Variants in ACSF3 observed in about 807,000 individuals in gnomAD.
ACSF3 encodes acyl-CoA synthetase family member 3.
A neutral mutation model predicts 53.2 loss-of-function variants in ACSF3; 78 were observed. That is an observed-to-expected ratio of 1.47 (90% CI 1.22 to 1.77). The LOEUF is 1.77. Ranked by LOEUF, ACSF3 falls within the 40% of genes most tolerant of loss-of-function variation. The pLI, the probability that ACSF3 is intolerant of heterozygous loss-of-function variation, is 0.00. For missense variants in ACSF3, 937 were observed against 771.1 expected (o/e 1.22, Z -2.55); for synonymous variants, 414 against 333.1 (o/e 1.24, Z -2.65).
intron 8 of ACSF3, among the ~76,000 whole-genome samples, chr16:89,137,093 CA>C (rs1910663490): frequency 6.6e-6 from 1 of 152,242 alleles, no homozygotes; most frequent in Non-Finnish European, 1.5e-5. Context: ...GCAGCAGCAG[CA>C]GCCCCTCCTG....
intron 6 of ACSF3, 149 bp downstream of exon 6, chr16:89,114,636 A>G: frequency 2.6e-6 from 3 of 1,154,996 alleles, no homozygotes; most frequent in Non-Finnish European, 3.8e-6. Context: ...GAGAGCACTC[A>G]GGATGCACTG....
intron 5 of ACSF3, chr16:89,113,231 A>C (rs954471414): frequency 6.6e-6 from 1 of 151,986 alleles, no homozygotes; most frequent in African/African-American, 2.4e-5. Flanking sequence ...CTCCACTGCC[A>C]TCCAGTTTCC....
chr16:89,101,723 T>C (rs1417270293), intron 3 of ACSF3, among the ~76,000 whole-genome samples: 2 of 152,230 alleles, frequency 1.3e-5, no homozygotes, highest in African/African-American at 4.8e-5. Context: ...TACTCGTTTT[T>C]TGTGTGTCCT....
At chr16:89,124,341 A>T (rs562118135) in intron 7 of ACSF3, among the ~76,000 whole-genome samples, 4 of 151,866 alleles carry the variant, frequency 2.6e-5, no homozygotes. Context: ...TGCACACTAC[A>T]TGTATGTGTG....
At position 89,155,559 on chromosome 16, in the gene ACSF3, G is replaced by A. The variant is rs1275375922; in HGVS notation, c.*1352G>A. 1 of 454,154 alleles carries A rather than the reference G, an allele frequency of 2.2e-6. No homozygotes were observed. The highest frequency in any genetic ancestry group is 1.6e-5 in the South Asian group (1 of 64,480). 28.1% of individuals were successfully genotyped at this position (454,154 alleles called of 1,614,324 possible). A position where few individuals can be genotyped will look rare whatever the true frequency, so the allele number is the denominator to read the frequency against. On this transcript the variant is annotated 3_prime_UTR_variant, in exon 11 of 11. Coordinates refer to ENST00000614302, the MANE Select transcript of ACSF3 (RefSeq NM_001243279.3). ...ACCCGAACTCCTGCCTCACGGTGTG[G>A]CCTTGTGCATCCCCATGGCCTGACC...
In ACSF3 at chr16:89,153,913, G is replaced by A; in HGVS notation, c.1614-177G>A. The A allele has an allele frequency of 3.2e-5, 21 of 650,506 alleles. 1 individual carries two copies. Among genetic ancestry groups the A allele is most frequent in the South Asian group, 3.0e-4 (17 of 56,482 alleles). The allele number at this position is 650,506 out of a possible 1,614,324, so 40.3% of individuals were successfully genotyped here. A position where few individuals can be genotyped will look rare whatever the true frequency, so the allele number is the denominator to read the frequency against. The stretch of plus-strand genomic sequence containing the variant: ...CACCTCCTGCAGTCACCACCCCTGG[G>A]CTGCTAGGGCAGAGACAGCTGCGGT... On this transcript the variant is annotated intron_variant, in intron 10 of 10. Transcript: ENST00000614302.
At chr16:89,145,221 C>T (rs192646888) in intron 8 of ACSF3, 46 bp from the exon 9 acceptor site, 26 of 1,613,804 alleles carry the variant, frequency 1.6e-5, no homozygotes, top group Admixed American at 1.0e-4. Context: ...CAGGGGACAC[C>T]GTGGTGTTTA....
At chr16:89,122,599 G>GGTT in intron 7 of ACSF3, 2 of 244,076 alleles carry the variant, frequency 8.2e-6, no homozygotes, top group Non-Finnish European at 1.7e-5. Context: ...CCTGTGCCTG[G>GGTT]GTTGGGGACA....
At chr16:89,111,946 C>A in intron 4 of ACSF3, 146 bp from the exon 5 acceptor site, 3 of 538,750 alleles carry the variant, frequency 5.6e-6, no homozygotes, top group Non-Finnish European at 9.6e-6. Context: ...GGGAAGGGGT[C>A]AGAGTTTGAG....
At chr16:89,134,056 G>A (rs925060573) in intron 8 of ACSF3, among the ~76,000 whole-genome samples, 7 of 152,326 alleles carry the variant, frequency 4.6e-5, no homozygotes, top group South Asian at 2.1e-4. Flanking sequence ...TGGATATTTC[G>A]ACATTTGGAT....
chr16:89,145,315 C>A lies in ACSF3; in HGVS notation c.1415C>A (p.Thr472Asn). 8 of 1,614,174 alleles carry A rather than the reference C, an allele frequency of 5.0e-6. No homozygotes were observed. Among genetic ancestry groups the A allele is most frequent in the Non-Finnish European group, 6.8e-6 (8 of 1,180,020 alleles). The change falls in exon 9 of 11, where the codon ACC (threonine) becomes AAC (asparagine). Residue 472 changes from threonine (T) to asparagine (N), a missense_variant. Coordinates refer to ENST00000614302, the MANE Select transcript of ACSF3 (RefSeq NM_001243279.3). ...KDGQYWIRGR[T>N]SVDIIKTGGY... ...GGCCAGTACTGGATCCGAGGCCGGACCTCAGTGGACATCATCAAGACTGGA... is the reference window on the plus strand; with the variant it reads ...GGCCAGTACTGGATCCGAGGCCGGAACTCAGTGGACATCATCAAGACTGGA...
intron 5 of ACSF3, 113 bp downstream of exon 5, chr16:89,112,359 C>T (rs1567700239): frequency 5.0e-6 from 7 of 1,394,638 alleles, no homozygotes; most frequent in Non-Finnish European, 7.1e-6. Flanking sequence ...TTTCCATTTC[C>T]TTTCAATGTT....
At chr16:89,115,307 CCCTT>C (rs1353985680) in intron 6 of ACSF3, 4 of 152,444 alleles carry the variant, frequency 2.6e-5, no homozygotes, top group East Asian at 3.8e-4. Context: ...CTCAGAAACT[CCCTT>C]CCTAGTGCTC....
chr16:89,125,630 G>A (rs935891989), intron 7 of ACSF3, among the ~76,000 whole-genome samples: 1 of 151,746 alleles, frequency 6.6e-6, no homozygotes, highest in African/African-American at 2.4e-5. Flanking sequence ...GGTGGAGGTT[G>A]AAGTGAGCCA....
At chr16:89,145,043 T>C in intron 8 of ACSF3, 1 of 1,258,362 alleles carries the variant, frequency 7.9e-7, no homozygotes, top group Non-Finnish European at 1.1e-6. Flanking sequence ...CCCCACATCA[T>C]GGGCACAGTC....
chr16:89,132,237 G>C (rs1161212605), intron 7 of ACSF3, among the ~76,000 whole-genome samples: 1 of 152,230 alleles, frequency 6.6e-6, no homozygotes, highest in East Asian at 1.9e-4. Context: ...ACTCTTGTAC[G>C]CATCCCTTGA....
rs749661738 is a variant in ACSF3 at position 89,100,725 on chromosome 16, C to A, written c.44C>A (p.Ala15Asp). The change falls in exon 3 of 11, where the codon GCC (alanine) becomes GAC (aspartate). Residue 15 changes from alanine to aspartate, a missense_variant. Physicochemically the swap from Ala to Asp is moderately radical, Grantham distance 126. Coordinates refer to ENST00000614302, the MANE Select transcript of ACSF3 (RefSeq NM_001243279.3). ...VVLTFRRLGCALASCRLAPAR... is the reference protein window; with the variant it reads ...VVLTFRRLGCDLASCRLAPAR... The stretch of plus-strand genomic sequence containing the variant: ...CTCACCTTCCGGCGCCTGGGCTGCG[C>A]CTTGGCGTCCTGCCGGCTGGCGCCT... 3.7e-6 allele frequency: 6 copies of A among 1,603,134 alleles called. No homozygotes were observed. The East Asian group carries it at 1.3e-4, about 36-fold the overall frequency.
intron 6 of ACSF3, among the ~76,000 whole-genome samples, chr16:89,119,114 T>G (rs1905970093): frequency 6.6e-6 from 1 of 152,086 alleles, no homozygotes; most frequent in South Asian, 2.1e-4. Flanking sequence ...GGGCGGCACC[T>G]GGAGTGTGGG....
At chr16:89,095,966 T>G (rs1290071221) in intron 1 of ACSF3, among the ~76,000 whole-genome samples, 1 of 152,154 alleles carries the variant, frequency 6.6e-6, no homozygotes, top group Admixed American at 6.5e-5. Context: ...AAAAGATGCA[T>G]CCCGCTGCGC....
Sources: gnomAD v4.1 joint callset for allele counts (sites outside exome capture counted in the v4.1 genomes callset) on GRCh38, gnomAD v4.1.1 for gene constraint, MANE v1.5 for transcripts, NCBI Gene and HGNC (gene_info 2026-07-23, HGNC 2026-07-21) for gene names.